The following ARHGAP11B variants were observed in gnomAD, a reference collection of about 807,000 sequenced individuals.
ARHGAP11B encodes inactive Rho GTPase-activating protein 11B.
A neutral mutation model predicts 27.6 loss-of-function variants in ARHGAP11B; 14 were observed. The ratio of observed to expected loss-of-function variants is 0.51; its 90% CI spans 0.34 to 0.79. The LOEUF (loss-of-function observed/expected upper bound fraction) is 0.79. Among genes scored for constraint, ARHGAP11B ranks in the 30% least tolerant of loss-of-function variants. ARHGAP11B has a pLI of 0.02. For synonymous variants in ARHGAP11B, 82 were observed against 114.1 expected (o/e 0.72, Z 1.80); for missense variants, 245 against 320.1 (o/e 0.77, Z 1.79).
At chr15:30,638,583 C>T (rs1199750412) in intron 6 of ARHGAP11B, among the ~76,000 whole-genome samples, 163 bp from the exon 7 acceptor site, 1 of 151,698 alleles carries the variant, frequency 6.6e-6, no homozygotes, top group East Asian at 1.9e-4. Context: ...AAAAATATAT[C>T]CTTTAGTATT....
intron 8 of ARHGAP11B, among the ~76,000 whole-genome samples, chr15:30,645,865 A>G (rs932531829): frequency 1.2e-4 from 18 of 152,082 alleles, no homozygotes; most frequent in Admixed American, 9.2e-4. Flanking sequence ...ATTCTGCTTT[A>G]GACATCTGCT....
chr15:30,643,552 C>T (rs2060327637), intron 7 of ARHGAP11B, among the ~76,000 whole-genome samples: 1 of 152,042 alleles, frequency 6.6e-6, no homozygotes, highest in Non-Finnish European at 1.5e-5. Context: ...GCTGGGCGTA[C>T]AGGCGTGAGC....
chr15:30,629,903 G>A (rs76087574), intron 1 of ARHGAP11B, among the ~76,000 whole-genome samples: 1 of 152,048 alleles, frequency 6.6e-6, no homozygotes, highest in South Asian at 2.1e-4. Context: ...GCTTGAATTT[G>A]CCTTTCAGTG....
At chr15:30,639,571 C>A (rs981023772) in intron 7 of ARHGAP11B, among the ~76,000 whole-genome samples, 9 of 151,968 alleles carry the variant, frequency 5.9e-5, no homozygotes, top group Non-Finnish European at 1.3e-4. Flanking sequence ...ATGTTGTCAA[C>A]TCTGCAGTAG....
chr15:30,628,144 G>T (rs994278866), intron 1 of ARHGAP11B, among the ~76,000 whole-genome samples: 3 of 150,376 alleles, frequency 2.0e-5, no homozygotes, highest in African/African-American at 7.3e-5. Context: ...GCAGTGGCGC[G>T]ATCTTGGCTC....
At chr15:30,627,765 C>T (rs888925529) in intron 1 of ARHGAP11B, among the ~76,000 whole-genome samples, 1 of 151,860 alleles carries the variant, frequency 6.6e-6, no homozygotes, top group Non-Finnish European at 1.5e-5. Context: ...ATGGTACTTC[C>T]TAGTACTTGG....
exon 6 of ARHGAP11B, chr15:30,635,592 C>T (rs2060275027): frequency 8.1e-6 from 13 of 1,613,420 alleles, no homozygotes; most frequent in Non-Finnish European, 1.1e-5. Context: ...GAATATGAAA[C>T]TCCTGGTGAA....
chr15:30,638,928 A>G, intron 7 of ARHGAP11B, 118 bp downstream of exon 7: 1 of 554,640 alleles, frequency 1.8e-6, no homozygotes, highest in Non-Finnish European at 2.9e-6. Flanking sequence ...TAGTTTAATC[A>G]AATCAAATAT....
At position 30,631,826 on chromosome 15, in the gene ARHGAP11B, G is replaced by A. The variant is rs573896877; in HGVS notation, c.200+1053G>A. Among the ~76,000 whole-genome samples, 8 of 134,156 alleles carry A rather than the reference G, an allele frequency of 6.0e-5. No individual in the cohort carries two copies. In the East Asian group the frequency reaches 1.3e-3, roughly 22 times the overall value. The allele number at this position is 134,156 out of a possible 152,430, so 88.0% of individuals were successfully genotyped here. ...TTTGAGACAGAGTTTCGCTCTTGTC[G>A]CCCAGGCTGGAGTGCAATGGCGTGA... On this transcript the variant is annotated intron_variant, in intron 2 of 10. Coordinates refer to ENST00000428041, the Ensembl canonical transcript of ARHGAP11B.
At chr15:30,649,069 C>T (rs2060370157) in exon 11 of ARHGAP11B, 1 of 152,024 alleles carries the variant, frequency 6.6e-6, no homozygotes. Flanking sequence ...CATTCCAAAT[C>T]ATTTCCAAGT....
chr15:30,635,396 G>T (rs549506180), intron 5 of ARHGAP11B, 91 bp from the exon 6 acceptor site: 35 of 1,504,046 alleles, frequency 2.3e-5, no homozygotes, highest in African/African-American at 1.4e-5. Flanking sequence ...AAGAAAAAAA[G>T]AAAAGAAATT....
chr15:30,638,468 T>A (rs2060295174), intron 6 of ARHGAP11B, among the ~76,000 whole-genome samples: 1 of 151,866 alleles, frequency 6.6e-6, no homozygotes, highest in African/African-American at 2.4e-5. Context: ...TAATGATTTC[T>A]TTTTCCCTAC....
chr15:30,642,435 A>G (rs963252903), intron 7 of ARHGAP11B, among the ~76,000 whole-genome samples: 3 of 152,040 alleles, frequency 2.0e-5, no homozygotes, highest in Non-Finnish European at 4.4e-5. Flanking sequence ...AATGTGTTAT[A>G]GAATAATTAG....
At position 30,637,865 on chromosome 15, in the gene ARHGAP11B, G is replaced by T. The variant is rs181966579; in HGVS notation, c.*4-881G>T. Among the ~76,000 whole-genome samples the T allele has an allele frequency of 3.4e-5, 5 of 147,420 alleles. 1 individual carries two copies. The East Asian group carries it at 9.9e-4, about 29-fold the overall frequency. ...GACGGAGTCTGTCTTTGTCACCCAG[G>T]CTGGGGTATAGTGATGCTATCTTGG... is the stretch of plus-strand genomic sequence containing the variant. On this transcript the variant is annotated intron_variant, in intron 6 of 10. Transcript: ENST00000428041.
exon 11 of ARHGAP11B, chr15:30,649,081 C>G (rs1418755576): frequency 6.6e-6 from 1 of 152,044 alleles, no homozygotes; most frequent in Non-Finnish European, 1.5e-5. Flanking sequence ...TTTCCAAGTA[C>G]AGTCATCCCT....
intron 9 of ARHGAP11B, among the ~76,000 whole-genome samples, chr15:30,646,774 A>T (rs2140911189): frequency 6.6e-6 from 1 of 151,970 alleles, no homozygotes; most frequent in East Asian, 1.9e-4. Flanking sequence ...GTTTGAAACC[A>T]GCCTGGCCAA....
At chr15:30,644,677 A>C (rs1362860376) in exon 8 of ARHGAP11B, 1 of 1,588,332 alleles carries the variant, frequency 6.3e-7, no homozygotes, top group East Asian at 2.2e-5. Context: ...TTGATCCAAA[A>C]ATATTGCATC....
At chr15:30,627,077 C>A (rs565820311) in intron 1 of ARHGAP11B, 128 bp downstream of exon 1, 12 of 1,345,970 alleles carry the variant, frequency 8.9e-6, no homozygotes, top group Admixed American at 3.0e-5. Flanking sequence ...TAATTCAGTT[C>A]AGATGATCGA....
intron 6 of ARHGAP11B, 112 bp from the exon 7 acceptor site, chr15:30,638,634 T>C (rs1464556890): frequency 1.8e-6 from 1 of 558,998 alleles, no homozygotes; most frequent in African/African-American, 2.0e-5. Flanking sequence ...AACTTAAAAT[T>C]TATAAGCCGA....
Sources: gnomAD v4.1 joint callset for allele counts (sites outside exome capture counted in the v4.1 genomes callset) on GRCh38, gnomAD v4.1.1 for gene constraint, MANE v1.5 for transcripts, NCBI Gene and HGNC (gene_info 2026-07-23, HGNC 2026-07-21) for gene names.